The following TTC23 variants were observed in gnomAD, a reference collection of about 807,000 sequenced individuals.
TTC23 encodes the protein tetratricopeptide repeat domain 23.
TTC23 carries 58 observed loss-of-function variants against 55.1 expected under a neutral mutation model. The observed-to-expected ratio is 1.05, with a 90% CI of 0.85 to 1.31. The LOEUF (loss-of-function observed/expected upper bound fraction) is 1.31, where lower values mean the gene tolerates loss of function less well. Ranked by LOEUF, TTC23 falls within the 50% of genes most tolerant of loss-of-function variation. The pLI is 0.00. For synonymous variants in TTC23, 203 were observed against 199.9 expected (o/e 1.02, Z -0.13); for missense variants, 516 against 534.4 (o/e 0.97, Z 0.34).
chr15:99,206,194 G>T (rs1477705595), intron 8 of TTC23, among the ~76,000 whole-genome samples: 1 of 152,108 alleles, frequency 6.6e-6, no homozygotes, highest in Non-Finnish European at 1.5e-5. Flanking sequence ...CAAGATGAAT[G>T]ATCTTTTTAA....
rs2069008350 is a variant in TTC23 at position 99,147,234 on chromosome 15, T to A, written c.1144-7835A>T. On this transcript the variant is annotated intron_variant, in intron 12 of 13. Coordinates refer to ENST00000394132, the MANE Select transcript of TTC23 (RefSeq NM_001288615.3). ...GCCTCCAAATTCATTCCTTTTTTTT[T>A]TTTTTTTTTGAGACAGAGTCTCGCT... 3.1e-5 allele frequency among the ~76,000 whole-genome samples: 4 copies of A among 130,144 alleles called. No homozygotes were observed. The South Asian group carries it at 9.8e-4, about 32-fold the overall frequency. The allele number at this position is 130,144 out of a possible 152,430, so 85.4% of individuals were successfully genotyped here.
intron 3 of TTC23, among the ~76,000 whole-genome samples, chr15:99,238,875 C>G (rs1411047039): frequency 1.0e-4 from 15 of 150,166 alleles, no homozygotes; most frequent in African/African-American, 2.5e-4. Flanking sequence ...GTATACAGCA[C>G]TTTTCCAGTC....
chr15:99,175,112 GCCT>G lies in TTC23; in HGVS notation c.800_802del (p.Glu267del). The G allele has an allele frequency of 6.2e-7, 1 of 1,614,198 alleles. No homozygotes were observed. ...GGCGACGATGTGTGCCGAGTCTGCT[GCCT>G]CCACTTGAGAGGGGCTTCTACTCAG... On this transcript the variant is annotated inframe_deletion, in exon 10 of 14. Coordinates refer to ENST00000394132, the MANE Select transcript of TTC23 (RefSeq NM_001288615.3).
chr15:99,232,594 T>C (rs1156892306), intron 4 of TTC23, among the ~76,000 whole-genome samples: 2 of 152,116 alleles, frequency 1.3e-5, no homozygotes, highest in Non-Finnish European at 2.9e-5. Flanking sequence ...ATGCAAATTA[T>C]ATCCATGAGA....
At chr15:99,148,253 C>T (rs2069195719) in intron 12 of TTC23, among the ~76,000 whole-genome samples, 2 of 145,078 alleles carry the variant, frequency 1.4e-5, no homozygotes, top group Non-Finnish European at 3.0e-5. Flanking sequence ...CCAAACTACT[C>T]AGGAGGCTGA....
intron 10 of TTC23, 87 bp from the exon 11 acceptor site, chr15:99,161,954 C>A: frequency 1.4e-6 from 2 of 1,410,588 alleles, no homozygotes; most frequent in Admixed American, 2.7e-5. Context: ...CAGTGTTGAG[C>A]TATTTGGAAA....
intron 12 of TTC23, chr15:99,155,583 A>G (rs1448956572): frequency 2.6e-5 from 4 of 152,496 alleles, no homozygotes; most frequent in African/African-American, 9.6e-5. Flanking sequence ...TGAAATATTG[A>G]CACATGAATA....
chr15:99,175,796 A>G (rs2073480541), intron 9 of TTC23, among the ~76,000 whole-genome samples: 1 of 152,210 alleles, frequency 6.6e-6, no homozygotes, highest in South Asian at 2.1e-4. Context: ...GGAGTTCAAG[A>G]CCAGCCTGGC....
chr15:99,236,647 C>T (rs2079341994), intron 3 of TTC23, among the ~76,000 whole-genome samples: 1 of 152,104 alleles, frequency 6.6e-6, no homozygotes, highest in African/African-American at 2.4e-5. Flanking sequence ...CTTGGCTTCC[C>T]AAAGTGCTGG....
Position 99,214,848 on chromosome 15 carries a change from T to C in TTC23, c.581+3740A>G, listed in dbSNP as rs1357191152. ...AAAAGTTTCCTGCCCATCTTTCTTT[T>C]CTCCTTTTTTTTTTTTTTTTTTTTG... On this transcript the variant is annotated intron_variant, in intron 8 of 13. Transcript: ENST00000394132. Among the ~76,000 whole-genome samples, 7 of 135,314 alleles carry C rather than the reference T, an allele frequency of 5.2e-5. No homozygotes were observed. The East Asian group carries it at 7.1e-4, about 14-fold the overall frequency. 88.8% of individuals were successfully genotyped at this position (135,314 alleles called of 152,430 possible). A position where few individuals can be genotyped will look rare whatever the true frequency, so the allele number is the denominator to read the frequency against.
chr15:99,250,136 C>T (rs538125396), upstream of TTC23, among the ~76,000 whole-genome samples: 9 of 152,206 alleles, frequency 5.9e-5, no homozygotes, highest in African/African-American at 2.2e-4. Context: ...CCATTAAACA[C>T]CGTATCTTTG....
chr15:99,139,476 A>G (rs2067967175), intron 12 of TTC23, 77 bp from the exon 13 acceptor site: 1 of 1,597,140 alleles, frequency 6.3e-7, no homozygotes, highest in African/African-American at 1.3e-5. Flanking sequence ...CCCTTGAATG[A>G]GAGAAAGATG....
chr15:99,213,854 C>T (rs1445975392), intron 8 of TTC23, among the ~76,000 whole-genome samples: 1 of 152,110 alleles, frequency 6.6e-6, no homozygotes, highest in Non-Finnish European at 1.5e-5. Flanking sequence ...TTTGAATATT[C>T]TTGGCTATGT....
rs184559374 is a variant in TTC23 at position 99,172,383 on chromosome 15, T to C, written c.865+2667A>G. Among the ~76,000 whole-genome samples, 13 of 152,306 alleles carry C rather than the reference T, an allele frequency of 8.5e-5. No individual in the cohort carries two copies. The East Asian group carries it at 2.5e-3, about 29-fold the overall frequency. On this transcript the variant is annotated intron_variant, in intron 10 of 13. Transcript: ENST00000394132. Reference sequence around the variant, plus strand: ...CAGGTTGGAGCTGAGATTCTCCGCATGCTCCTGGGCCCCAGGCCTTCCCAT... The same window carrying C: ...CAGGTTGGAGCTGAGATTCTCCGCACGCTCCTGGGCCCCAGGCCTTCCCAT...
intron 5 of TTC23, 29 bp downstream of exon 5, chr15:99,228,504 T>G: frequency 6.4e-7 from 1 of 1,570,278 alleles, no homozygotes; most frequent in Non-Finnish European, 8.7e-7. Flanking sequence ...ATTCTCAGAG[T>G]AGAAATACAG....
rs533583389 is a variant in TTC23, at chr15:99,222,100, A to T, written c.181-236T>A. ...AAACATAAGAAGTACAATTTATAGT[A>T]CATTTAAGGGTGAAAAAAAGAAATA... On this transcript the variant is annotated intron_variant, in intron 5 of 13. Coordinates refer to ENST00000394132, the MANE Select transcript of TTC23 (RefSeq NM_001288615.3). Among the ~76,000 whole-genome samples the T allele has an allele frequency of 1.2e-4, 18 of 152,352 alleles. 1 individual carries two copies. The highest frequency in any genetic ancestry group is 1.0e-3 in the Admixed American group (16 of 15,304).
intron 9 of TTC23, among the ~76,000 whole-genome samples, chr15:99,175,618 A>G (rs1440790519): frequency 6.6e-6 from 1 of 152,218 alleles, no homozygotes; most frequent in African/African-American, 2.4e-5. Flanking sequence ...CACCAAGCCC[A>G]TTTGCCTGCA....
chr15:99,175,013 T>C (rs2151931227), intron 10 of TTC23, 37 bp downstream of exon 10: 1 of 1,599,380 alleles, frequency 6.3e-7, no homozygotes, highest in African/African-American at 1.3e-5. Context: ...TAGACCCAGA[T>C]GCCTGTGAGA....
At chr15:99,216,082 C>A (rs1338293962) in intron 8 of TTC23, among the ~76,000 whole-genome samples, 15 of 152,150 alleles carry the variant, frequency 9.9e-5, no homozygotes. Context: ...CTCACCCCAA[C>A]AAAATAGCTT....
Sources: gnomAD v4.1 joint callset for allele counts (sites outside exome capture counted in the v4.1 genomes callset) on GRCh38, gnomAD v4.1.1 for gene constraint, MANE v1.5 for transcripts, NCBI Gene and HGNC (gene_info 2026-07-23, HGNC 2026-07-21) for gene names.